The following OPCML variants were observed in gnomAD, a reference collection of about 807,000 sequenced individuals.
The protein encoded by OPCML is opioid binding protein/cell adhesion molecule like.
OPCML carries 13 observed loss-of-function variants against 37.8 expected under a neutral mutation model. That is an observed-to-expected ratio of 0.34 (90% CI 0.22 to 0.55). The LOEUF (loss-of-function observed/expected upper bound fraction) is 0.55. Among genes scored for constraint, OPCML ranks in the 20% least tolerant of loss-of-function variants. The pLI, the probability that OPCML is intolerant of heterozygous loss-of-function variation, is 0.91. For missense variants in OPCML, 341 were observed against 435.6 expected (o/e 0.78, Z 1.93); for synonymous variants, 176 against 168.8 (o/e 1.04, Z -0.33).
At chr11:133,350,076 G>A (rs568483170) in intron 1 of OPCML, among the ~76,000 whole-genome samples, 6 of 152,300 alleles carry the variant, frequency 3.9e-5, no homozygotes, top group African/African-American at 1.4e-4. Context: ...GGATAGAAAA[G>A]CCAACCTGCT....
intron 1 of OPCML, among the ~76,000 whole-genome samples, chr11:132,953,034 A>G (rs1002312867): frequency 3.3e-5 from 5 of 152,210 alleles, no homozygotes; most frequent in Non-Finnish European, 4.4e-5. Flanking sequence ...AGGTTCCCCA[A>G]GGCTTAGAGA....
intron 1 of OPCML, among the ~76,000 whole-genome samples, chr11:133,482,387 A>G (rs985136057): frequency 3.9e-5 from 6 of 152,208 alleles, no homozygotes; most frequent in Admixed American, 3.9e-4. Context: ...CCGGTTTCAT[A>G]CGGGAAAGCA....
chr11:133,473,635 T>A (rs1591539680), intron 1 of OPCML, among the ~76,000 whole-genome samples: 1 of 152,152 alleles, frequency 6.6e-6, no homozygotes, highest in Non-Finnish European at 1.5e-5. Flanking sequence ...CTATGCATAA[T>A]CTTCCCAACT....
At chr11:132,588,939 A>C (rs1209100733) in intron 3 of OPCML, among the ~76,000 whole-genome samples, 2 of 152,186 alleles carry the variant, frequency 1.3e-5, no homozygotes, top group Non-Finnish European at 2.9e-5. Context: ...TAATCTGCCC[A>C]AACTCGCATA....
intron 1 of OPCML, among the ~76,000 whole-genome samples, chr11:133,267,999 C>T (rs1170023963): frequency 6.6e-6 from 1 of 152,180 alleles, no homozygotes; most frequent in Non-Finnish European, 1.5e-5. Flanking sequence ...CTAATATACT[C>T]CTTCTCTAGT....
intron 2 of OPCML, among the ~76,000 whole-genome samples, chr11:132,900,394 C>T (rs549188696): frequency 1.4e-4 from 21 of 152,274 alleles, no homozygotes; most frequent in Middle Eastern, 3.4e-3. Flanking sequence ...CCACCCATCA[C>T]TGTAGCCTAA....
intron 2 of OPCML, among the ~76,000 whole-genome samples, chr11:132,668,832 T>C (rs1053449886): frequency 5.9e-5 from 9 of 152,228 alleles, no homozygotes; most frequent in Non-Finnish European, 1.3e-4. Context: ...CTCGTACTTC[T>C]AGTAACATTT....
chr11:132,476,806 G>A (rs1208372693), intron 4 of OPCML, among the ~76,000 whole-genome samples: 3 of 151,578 alleles, frequency 2.0e-5, no homozygotes, highest in Non-Finnish European at 4.4e-5. Flanking sequence ...AAACCTGCAT[G>A]TTGTGCACAT....
chr11:133,018,727 C>T (rs1390687107), intron 1 of OPCML, among the ~76,000 whole-genome samples: 1 of 152,208 alleles, frequency 6.6e-6, no homozygotes, highest in Non-Finnish European at 1.5e-5. Context: ...CTTCCTGATC[C>T]CAGAGGGCAA....
intron 4 of OPCML, among the ~76,000 whole-genome samples, chr11:132,482,215 C>A (rs1366031520): frequency 1.3e-5 from 2 of 151,740 alleles, no homozygotes; most frequent in African/African-American, 4.8e-5. Flanking sequence ...CAAATAGACG[C>A]AATAAAAAAT....
chr11:132,424,476 C>T (rs534190821), intron 7 of OPCML, among the ~76,000 whole-genome samples: 14 of 152,202 alleles, frequency 9.2e-5, no homozygotes, highest in Non-Finnish European at 1.6e-4. Flanking sequence ...AAAATGCACC[C>T]GGATAAAAGC....
intron 2 of OPCML, among the ~76,000 whole-genome samples, chr11:132,939,977 G>A (rs929863245): frequency 2.0e-5 from 3 of 151,984 alleles, no homozygotes; most frequent in Admixed American, 6.6e-5. Context: ...CTTCCAAGAG[G>A]GCAAAATAAC....
intron 3 of OPCML, among the ~76,000 whole-genome samples, chr11:132,602,487 A>T (rs985034196): frequency 2.6e-5 from 4 of 152,166 alleles, no homozygotes; most frequent in Non-Finnish European, 4.4e-5. Context: ...TTACAAAAAA[A>T]TTCTGTTTGC....
At chr11:132,760,395 G>T (rs749526306) in intron 2 of OPCML, among the ~76,000 whole-genome samples, 1 of 151,970 alleles carries the variant, frequency 6.6e-6, no homozygotes, top group African/African-American at 2.4e-5. Context: ...ATTGACAGTC[G>T]AGTGTTAAAG....
At chr11:132,906,063 G>T (rs960308429) in intron 2 of OPCML, among the ~76,000 whole-genome samples, 2 of 152,180 alleles carry the variant, frequency 1.3e-5, no homozygotes, top group African/African-American at 4.8e-5. Flanking sequence ...AGCCTAAAAT[G>T]TGACTTTTAT....
intron 2 of OPCML, among the ~76,000 whole-genome samples, chr11:132,676,788 A>G (rs931213897): frequency 2.7e-5 from 4 of 145,782 alleles, no homozygotes; most frequent in African/African-American, 8.0e-5. Context: ...AAAACAAACA[A>G]GAAAAAAAAA....
chr11:132,631,508 G>T (rs1446350589), intron 3 of OPCML, among the ~76,000 whole-genome samples: 6 of 150,878 alleles, frequency 4.0e-5, no homozygotes, highest in Non-Finnish European at 7.4e-5. Flanking sequence ...CCCCCAGGCT[G>T]GAGTGCAGTG....
At chr11:133,321,419 G>A (rs998387753) in intron 1 of OPCML, among the ~76,000 whole-genome samples, 1 of 152,156 alleles carries the variant, frequency 6.6e-6, no homozygotes, top group African/African-American at 2.4e-5. Flanking sequence ...TGGTTTGGAT[G>A]GTGTATTCAA....
chr11:133,387,324 C>G (rs1380189505), intron 1 of OPCML, among the ~76,000 whole-genome samples: 1 of 152,138 alleles, frequency 6.6e-6, no homozygotes, highest in Non-Finnish European at 1.5e-5. Context: ...ATTTATTTGG[C>G]CACTTCACAA....
Sources: allele counts gnomAD v4.1 joint callset (sites outside exome capture counted in the v4.1 genomes callset), GRCh38; gene constraint gnomAD v4.1.1; transcripts MANE v1.5; gene names NCBI Gene and HGNC (gene_info 2026-07-23, HGNC 2026-07-21).